ANKRD28: variants seen among roughly 807,000 people sequenced by gnomAD.
ANKRD28 encodes the protein serine/threonine-protein phosphatase 6 regulatory ankyrin repeat subunit A.
In ANKRD28, 44 loss-of-function variants were observed where a neutral mutation model predicts 126.5. The ratio of observed to expected loss-of-function variants is 0.35; its 90% CI spans 0.27 to 0.45. The LOEUF (loss-of-function observed/expected upper bound fraction) is 0.45, where lower values mean the gene tolerates loss of function less well. Among genes scored for constraint, ANKRD28 ranks in the 20% least tolerant of loss-of-function variants. The pLI is 1.00. For missense variants in ANKRD28, 1,110 were observed against 1,316.6 expected (o/e 0.84, Z 2.43); for synonymous variants, 442 against 468.5 (o/e 0.94, Z 0.73).
rs1170970924 is a variant in ANKRD28, at chr3:15,839,413, TA to T, written c.27+19963del. Reference sequence around the variant, plus strand: ...TACAGCTGGAGAGAACCAAAGTGGGTAAAAGGGAAGATTTTCTGACATGTTG... The same window carrying T: ...TACAGCTGGAGAGAACCAAAGTGGGTAAAGGGAAGATTTTCTGACATGTTG... On this transcript the variant is annotated intron_variant, in intron 1 of 27. Transcript: ENST00000399451. The surrounding 1 kb of genome is among the most constrained non-coding windows in gnomAD (Gnocchi z 4.3). Among the ~76,000 whole-genome samples, 1 of 151,056 alleles carries T rather than the reference TA, an allele frequency of 6.6e-6. No homozygotes were observed. The highest frequency in any genetic ancestry group is 1.5e-5 in the Non-Finnish European group (1 of 67,768).
intron 2 of ANKRD28, among the ~76,000 whole-genome samples, chr3:15,775,725 C>T (rs558623318): frequency 2.0e-5 from 3 of 152,328 alleles, no homozygotes; most frequent in South Asian, 4.1e-4. Flanking sequence ...ACAGCTTCCA[C>T]GGAAGGGCGT....
At chr3:15,707,868 G>A in intron 14 of ANKRD28, 56 bp downstream of exon 14, 2 of 1,567,284 alleles carry the variant, frequency 1.3e-6, no homozygotes, top group Non-Finnish European at 1.7e-6. Flanking sequence ...CATCCATATG[G>A]AAGATGCCAG....
intron 17 of ANKRD28, among the ~76,000 whole-genome samples, chr3:15,692,145 A>T (rs936764196): frequency 1.5e-4 from 6 of 39,020 alleles, no homozygotes; most frequent in African/African-American, 2.8e-4. Flanking sequence ...ATCTCTAAAT[A>T]AAAAAAAAAA....
At chr3:15,789,526 G>A (rs974980269) in intron 2 of ANKRD28, among the ~76,000 whole-genome samples, 2 of 151,932 alleles carry the variant, frequency 1.3e-5, no homozygotes, top group Admixed American at 6.6e-5. Flanking sequence ...ACATGATACA[G>A]CAGTCATCTC....
At chr3:15,714,714 G>A (rs2072796219) in intron 8 of ANKRD28, 58 bp from the exon 9 acceptor site, 2 of 1,226,342 alleles carry the variant, frequency 1.6e-6, no homozygotes, top group African/African-American at 1.6e-5. Context: ...GTAAACCTTA[G>A]TTTTACTTTG....
At chr3:15,765,254 C>G (rs182260446) in intron 3 of ANKRD28, among the ~76,000 whole-genome samples, 133 of 152,204 alleles carry the variant, frequency 8.7e-4, no homozygotes, top group Non-Finnish European at 1.1e-3. Context: ...GCTATTCTAT[C>G]ATAGACAGTT....
At chr3:15,701,640 G>A (rs1007043917) in intron 14 of ANKRD28, among the ~76,000 whole-genome samples, 29 of 150,788 alleles carry the variant, frequency 1.9e-4, no homozygotes, top group African/African-American at 6.0e-4. Context: ...TCAAAACTCC[G>A]TCTCAAAAAA....
In ANKRD28 at chr3:15,678,226, C is replaced by A; in HGVS notation, c.2690G>T (p.Gly897Val). The change falls in exon 24 of 28, where the codon GGA becomes GTA. Residue 897 changes from glycine (G) to valine (V), a missense_variant. Gly to Val is a moderately radical substitution (Grantham distance 109). Coordinates refer to ENST00000683139, the MANE Select transcript of ANKRD28 (RefSeq NM_001349278.2). ...TTCTTTACCAACTGTATTTGTTTGT[C>A]CATTTTCTGCAGCCATCATAAGAGG... ...KTPLMMAAEN[G>V]QTNTVEMLVS... is the part of the protein sequence containing the mutation. 6.2e-7 allele frequency: 1 copy of A among 1,610,556 alleles called. No individual in the cohort carries two copies. Among genetic ancestry groups the A allele is most frequent in the South Asian group, 1.1e-5 (1 of 90,722 alleles).
intron 21 of ANKRD28, chr3:15,684,466 T>G (rs114413938): frequency 3.9e-5 from 6 of 152,314 alleles, no homozygotes; most frequent in Non-Finnish European, 7.3e-5. Flanking sequence ...ATATTACTGG[T>G]AATATAAGAA....
Position 15,796,996 on chromosome 3 carries a change from T to A in ANKRD28, c.-475A>T, listed in dbSNP as rs1163133427. On this transcript the variant is annotated 5_prime_UTR_variant, in exon 1 of 28. Transcript: ENST00000683139. The stretch of plus-strand genomic sequence containing the variant: ...ACCCACTCTTGCCTGCAAGGTCATA[T>A]AGTTACCAGTAGCTGTTTTGCTTAT... 2.0e-6 allele frequency: 2 copies of A among 985,232 alleles called. No homozygotes were observed. The highest frequency in any genetic ancestry group is 2.4e-6 in the Non-Finnish European group (2 of 829,898). 61.0% of individuals were successfully genotyped at this position (985,232 alleles called of 1,614,324 possible).
intron 4 of ANKRD28, among the ~76,000 whole-genome samples, chr3:15,745,145 G>A (rs990418078): frequency 6.6e-6 from 1 of 152,042 alleles, no homozygotes; most frequent in African/African-American, 2.4e-5. Flanking sequence ...TCCTTTGTTA[G>A]GTGTATAGAT....
intron 8 of ANKRD28, among the ~76,000 whole-genome samples, chr3:15,716,279 G>GA (rs1428822129): frequency 6.8e-6 from 1 of 146,364 alleles, no homozygotes; most frequent in African/African-American, 2.6e-5. Context: ...ACCGCACCTG[G>GA]ACTTTTTTTT....
Position 15,796,589 on chromosome 3 carries a change from T to C in ANKRD28, c.-68A>G. On this transcript the variant is annotated 5_prime_UTR_variant, in exon 1 of 28. Coordinates refer to ENST00000683139, the MANE Select transcript of ANKRD28 (RefSeq NM_001349278.2). ...TCACAGTTGGAAGAGCACAAGTAGT[T>C]TTTCCTCCTCTTCTGTACAACACTT... 1.6e-6 allele frequency: 2 copies of C among 1,216,308 alleles called. No homozygotes were observed. Among genetic ancestry groups the C allele is most frequent in the Non-Finnish European group, 2.1e-6 (2 of 947,174 alleles). The allele number at this position is 1,216,308 out of a possible 1,614,324, so 75.3% of individuals were successfully genotyped here.
intron 14 of ANKRD28, among the ~76,000 whole-genome samples, chr3:15,703,531 G>A (rs1368601064): frequency 2.6e-5 from 4 of 152,360 alleles, no homozygotes; most frequent in African/African-American, 9.6e-5. Context: ...GATATGGCAA[G>A]AATATGCCCT....
Position 15,812,737 on chromosome 3 carries a change from T to C in ANKRD28, c.28-17431A>G, listed in dbSNP as rs552811448. Among the ~76,000 whole-genome samples the C allele has an allele frequency of 2.0e-5, 3 of 152,318 alleles. No individual in the cohort carries two copies. The highest frequency in any genetic ancestry group is 7.2e-5 in the African/African-American group (3 of 41,582). ...AGTGTGTGAGGGGGTGAATTTCCAA[T>C]GGAACTCTAGTTACCAACAGCCATC... On this transcript the variant is annotated intron_variant, in intron 1 of 27. Coordinates refer to the ANKRD28 transcript ENST00000399451. The surrounding 1 kb of genome is among the most constrained non-coding windows in gnomAD (Gnocchi z 4.1).
chr3:15,679,248 G>T, intron 23 of ANKRD28, 53 bp downstream of exon 23: 1 of 1,526,110 alleles, frequency 6.6e-7, no homozygotes, highest in Non-Finnish European at 9.1e-7. Context: ...AGGATTATAG[G>T]CATGAGCCAC....
intron 6 of ANKRD28, chr3:15,732,007 C>T (rs1418603523): frequency 6.6e-6 from 1 of 152,002 alleles, no homozygotes; most frequent in East Asian, 1.9e-4. Context: ...CAGTGCATGG[C>T]TACATGGTCT....
chr3:15,720,983 C>A lies in ANKRD28; in HGVS notation c.928G>T (p.Ala310Ser). The part of the protein sequence containing the change: ...EKGFTPLHFA[A>S]ASTHGALCLE... ...CACAATGCTCCATGTGTTGATGCAG[C>A]AGCAAAGTGCAAAGGAGTAAATCCT... The change falls in exon 8 of 28, where the codon GCT becomes TCT. Residue 310 changes from alanine to serine, a missense_variant. Transcript: ENST00000683139. 1 of 1,613,904 alleles carries A rather than the reference C, an allele frequency of 6.2e-7. No homozygotes were observed. The highest frequency in any genetic ancestry group is 8.5e-7 in the Non-Finnish European group (1 of 1,179,838).
intron 18 of ANKRD28, among the ~76,000 whole-genome samples, chr3:15,686,910 A>C (rs2068191271): frequency 6.6e-6 from 1 of 152,008 alleles, no homozygotes; most frequent in African/African-American, 2.4e-5. Flanking sequence ...CCGTTGTAGA[A>C]TCAACCAACC....
Sources: allele counts gnomAD v4.1 joint callset (sites outside exome capture counted in the v4.1 genomes callset), GRCh38; gene constraint gnomAD v4.1.1; non-coding constraint Gnocchi (gnomAD v3.1); transcripts MANE v1.5; gene names NCBI Gene and HGNC (gene_info 2026-07-23, HGNC 2026-07-21).